LZIC: variants seen among roughly 807,000 people sequenced by gnomAD.
The protein encoded by LZIC is leucine zipper and CTNNBIP1 domain containing, also known as protein LZIC.
LZIC carries 28 observed loss-of-function variants against 25.4 expected under a neutral mutation model. The ratio of observed to expected loss-of-function variants is 1.10; its 90% CI spans 0.82 to 1.51. The LOEUF (loss-of-function observed/expected upper bound fraction) is 1.51, where lower values mean the gene tolerates loss of function less well. Among genes scored for constraint, LZIC ranks in the 40% most tolerant of loss-of-function variants. LZIC has a pLI of 0.00. For synonymous variants in LZIC, 65 were observed against 70.7 expected (o/e 0.92, Z 0.40); for missense variants, 170 against 211.1 (o/e 0.81, Z 1.21).
downstream of LZIC, among the ~76,000 whole-genome samples, chr1:9,922,772 T>A (rs1397847119): frequency 5.3e-5 from 8 of 152,232 alleles, no homozygotes; most frequent in Admixed American, 1.3e-4. Flanking sequence ...TAGGACATTT[T>A]AAAACAGCTT....
At chr1:9,937,727 A>G (rs1640521205) in intron 2 of LZIC, among the ~76,000 whole-genome samples, 1 of 151,608 alleles carries the variant, frequency 6.6e-6, no homozygotes, top group Admixed American at 6.6e-5. Context: ...GGATGCCTCT[A>G]GTCCCACCTA....
At chr1:9,932,712 C>G in intron 6 of LZIC, 91 bp downstream of exon 6, 7 of 509,014 alleles carry the variant, frequency 1.4e-5, no homozygotes, top group African/African-American at 2.1e-5. Flanking sequence ...AAAAGAATGT[C>G]TTAGTACCAC....
chr1:9,924,816 T>C (rs1639940128), downstream of LZIC, among the ~76,000 whole-genome samples: 1 of 152,096 alleles, frequency 6.6e-6, no homozygotes, highest in Admixed American at 6.6e-5. Flanking sequence ...CCTCGTGTAA[T>C]ATGACAATTT....
chr1:9,924,548 G>T (rs941007011), downstream of LZIC, among the ~76,000 whole-genome samples: 3 of 152,006 alleles, frequency 2.0e-5, no homozygotes, highest in Admixed American at 2.0e-4. Context: ...TAGAGATGGG[G>T]TTTCACCGTG....
Position 9,932,856 on chromosome 1 carries a change from A to T in LZIC, c.379T>A (p.Tyr127Asn). The T allele has an allele frequency of 6.2e-7, 1 of 1,613,096 alleles. No homozygotes were observed. The highest frequency in any genetic ancestry group is 8.5e-7 in the Non-Finnish European group (1 of 1,179,204). ...LMVGKLERDL[Y>N]TQQKVEILTA... ...AGTATCTCCACTTTCTGTTGAGTGT[A>T]CAGGTCTCTTTCCAGCTTTCCTACC... The change falls in exon 6 of 8, where the codon TAC (tyrosine) becomes AAC (asparagine). Residue 127 changes from tyrosine (Y) to asparagine (N), a missense_variant. Transcript: ENST00000377223.
Position 9,927,035 on chromosome 1 carries a change from A to C in LZIC, c.*3364T>G, listed in dbSNP as rs557890508. On this transcript the variant is annotated 3_prime_UTR_variant, in exon 8 of 8. Transcript: ENST00000377223. ...GCATTAACAGAGGGGAATGCATAATAATCCTATGAGGTAGGCCCTATTATC... is the reference window on the plus strand; with the variant it reads ...GCATTAACAGAGGGGAATGCATAATCATCCTATGAGGTAGGCCCTATTATC... Among the ~76,000 whole-genome samples the C allele has an allele frequency of 6.6e-6, 1 of 152,302 alleles. No homozygotes were observed. The highest frequency in any genetic ancestry group is 2.4e-5 in the African/African-American group (1 of 41,570).
At chr1:9,925,786 C>T (rs930725771), downstream of LZIC, among the ~76,000 whole-genome samples, 1 of 150,754 alleles carries the variant, frequency 6.6e-6, no homozygotes, top group Admixed American at 6.7e-5. Context: ...GACAGGGTTT[C>T]ACCATATTGG....
intron 2 of LZIC, 31 bp from the exon 3 acceptor site, chr1:9,936,658 T>G (rs370783382): frequency 1.4e-6 from 2 of 1,404,294 alleles, no homozygotes; most frequent in African/African-American, 2.8e-5. Context: ...ACATACCATA[T>G]GAAATTAACA....
In LZIC at chr1:9,934,851, C is replaced by T. The variant is rs1640383983; in HGVS notation, c.247G>A (p.Ala83Thr). ...GTTTTAAAGGCCTGGCTGATAGCTG[C>T]CTGAATAGCCTAGAAACACAAGAAG... is the stretch of plus-strand genomic sequence containing the variant. ...ELSGMQLAIQ[A>T]AISQAFKTPE... Residue 83 changes from alanine to threonine, a missense_variant, in exon 5 of 8, where the codon GCA becomes ACA. Ala to Thr is a moderately conservative substitution (Grantham distance 58). Coordinates refer to ENST00000377223, the MANE Select transcript of LZIC (RefSeq NM_032368.5). 5 of 1,613,688 alleles carry T rather than the reference C, an allele frequency of 3.1e-6. No individual in the cohort carries two copies. Among genetic ancestry groups the T allele is most frequent in the Non-Finnish European group, 4.2e-6 (5 of 1,179,802 alleles).
At chr1:9,939,266 T>C (rs922057874) in intron 2 of LZIC, among the ~76,000 whole-genome samples, 6 of 152,072 alleles carry the variant, frequency 3.9e-5, no homozygotes, top group Non-Finnish European at 7.3e-5. Flanking sequence ...TTTGCCATAT[T>C]GGCCAGGTCG....
chr1:9,938,260 C>T (rs576709167), intron 2 of LZIC, among the ~76,000 whole-genome samples: 1 of 152,196 alleles, frequency 6.6e-6, no homozygotes, highest in Admixed American at 6.5e-5. Flanking sequence ...CTCAACCTCT[C>T]GAGCTCAAGC....
chr1:9,930,310 CTT>C lies in LZIC; in HGVS notation c.*87_*88del. On this transcript the variant is annotated 3_prime_UTR_variant, in exon 8 of 8. Coordinates refer to ENST00000377223, the MANE Select transcript of LZIC (RefSeq NM_032368.5). ...GGTTATTGATGCATTTCCAGAATCT[CTT>C]CATTTCTTTGCAATAACTGAAAACC... The C allele has an allele frequency of 1.3e-6, 2 of 1,571,198 alleles. No homozygotes were observed. Among genetic ancestry groups the C allele is most frequent in the Non-Finnish European group, 1.7e-6 (2 of 1,161,900 alleles).
At position 9,934,934 on chromosome 1, in the gene LZIC, T is replaced by C. The variant is rs1640388321; in HGVS notation, c.238-74A>G. ...GATATTGCAATAACTGATTGACGGA[T>C]CCTTAATTTTTATCAAGGTTTACTG... On this transcript the variant is annotated intron_variant, in intron 4 of 7. Coordinates refer to ENST00000377223, the MANE Select transcript of LZIC (RefSeq NM_032368.5). 2.7e-6 allele frequency: 3 copies of C among 1,092,510 alleles called. No homozygotes were observed. In the Admixed American group the frequency reaches 5.4e-5, roughly 20 times the overall value. The allele number at this position is 1,092,510 out of a possible 1,614,324, so 67.7% of individuals were successfully genotyped here.
chr1:9,931,141 A>G (rs1392357636), intron 7 of LZIC, among the ~76,000 whole-genome samples: 3 of 152,092 alleles, frequency 2.0e-5, no homozygotes, highest in Non-Finnish European at 2.9e-5. Flanking sequence ...ATCTTGGCTC[A>G]CTGCAGCCTC....
rs540015575 is a variant in LZIC, at chr1:9,927,007, C to T, written c.*3392G>A. Among the ~76,000 whole-genome samples, 5 of 152,222 alleles carry T rather than the reference C, an allele frequency of 3.3e-5. No individual in the cohort carries two copies. Among genetic ancestry groups the T allele is most frequent in the African/African-American group, 9.6e-5 (4 of 41,544 alleles). ...GTTAGTTTTCCAAGTAAAAACTTTA[C>T]GTGCATTAACAGAGGGGAATGCATA... On this transcript the variant is annotated 3_prime_UTR_variant, in exon 8 of 8. Coordinates refer to ENST00000377223, the MANE Select transcript of LZIC (RefSeq NM_032368.5).
rs1640417415 is a variant in LZIC, at chr1:9,935,569, T to G, written c.160A>C (p.Ser54Arg). 1 of 1,612,332 alleles carries G rather than the reference T, an allele frequency of 6.2e-7. No individual in the cohort carries two copies. Among genetic ancestry groups the G allele is most frequent in the African/African-American group, 1.3e-5 (1 of 74,860 alleles). Residue 54 changes from serine to arginine, a missense_variant, in exon 4 of 8, where the codon AGT becomes CGT. Physicochemically the swap from Ser to Arg is moderately radical, Grantham distance 110. Coordinates refer to ENST00000377223, the MANE Select transcript of LZIC (RefSeq NM_032368.5). ...ETKKETLEQL[S>R]EFNDSLKKIM... ...TTCTTTAGTGAATCATTAAATTCAC[T>G]TAGTTGCTCCAGAGTTTCCTTTTTG...
At position 9,931,904 on chromosome 1, in the gene LZIC, G is replaced by C. The variant is rs1239665373; in HGVS notation, c.501C>G (p.Val167=). 1 of 1,613,202 alleles carries C rather than the reference G, an allele frequency of 6.2e-7. No homozygotes were observed. Among genetic ancestry groups the C allele is most frequent in the Non-Finnish European group, 8.5e-7 (1 of 1,179,452 alleles). ...GAGGGCACTCACCAAGGTCTGTAGA[G>C]ACTTTCTCAAACTGGCTGAGTATAG... The part of the protein sequence containing the change: ...AGAILSQFEK[V]STDLGSGDKI... Residue 167 remains valine (V), a synonymous_variant, in exon 7 of 8, where the codon GTC becomes GTG. Coordinates refer to ENST00000377223, the MANE Select transcript of LZIC (RefSeq NM_032368.5).
In LZIC at chr1:9,932,806, C is replaced by T. The variant is rs1248517335; in HGVS notation, c.429G>A (p.Glu143=). The T allele has an allele frequency of 1.9e-6, 3 of 1,576,776 alleles. No homozygotes were observed. The highest frequency in any genetic ancestry group is 2.2e-5 in the South Asian group (2 of 90,222). The change falls in exon 6 of 8, where the codon GAG becomes GAA. Residue 143 remains glutamate (E), a synonymous_variant. Transcript: ENST00000377223. Reference sequence around the variant, plus strand: ...CTAATATATTAAATACTGGTACCTTCTCTCCAAGTTTCCTAAGAGCTGTTA... The same window carrying T: ...CTAATATATTAAATACTGGTACCTTTTCTCCAAGTTTCCTAAGAGCTGTTA... ...EILTALRKLG[E]KLTADDEAFL...
downstream of LZIC, among the ~76,000 whole-genome samples, chr1:9,924,082 T>TC (rs1283852935): frequency 6.6e-6 from 1 of 151,114 alleles, no homozygotes; most frequent in Admixed American, 6.6e-5. Context: ...GACCCGGGGT[T>TC]CCCCCATCTT....
Sources: gnomAD v4.1 joint callset for allele counts (sites outside exome capture counted in the v4.1 genomes callset) on GRCh38, gnomAD v4.1.1 for gene constraint, MANE v1.5 for transcripts, NCBI Gene and HGNC (gene_info 2026-07-23, HGNC 2026-07-21) for gene names.